Variants in ADAM7 observed in about 807,000 individuals in gnomAD.
ADAM7 encodes the protein disintegrin and metalloproteinase domain-containing protein 7.
Under a neutral mutation model 102.9 loss-of-function variants are expected in ADAM7, and 97 were observed. The ratio of observed to expected loss-of-function variants is 0.94; its 90% CI spans 0.80 to 1.12. ADAM7 has a LOEUF of 1.12. ADAM7 is among the 50% of genes most tolerant of loss of function. ADAM7 has a pLI of 0.00. For synonymous variants in ADAM7, 334 were observed against 304.4 expected, an observed-to-expected ratio of 1.10 and a Z score of -1.01; for missense variants, 991 against 908.7, an observed-to-expected ratio of 1.09 and a Z score of -1.16.
chr8:24,501,013 T>TC, intron 19 of ADAM7, 118 bp downstream of exon 19: 1 of 785,382 alleles, frequency 1.3e-6, no homozygotes, highest in Non-Finnish European at 2.0e-6. Context: ...GAAGATCAGG[T>TC]AAGAATAGTA....
intron 11 of ADAM7, among the ~76,000 whole-genome samples, chr8:24,488,165 A>C (rs1407658964): frequency 6.6e-6 from 1 of 152,152 alleles, no homozygotes; most frequent in Non-Finnish European, 1.5e-5. Context: ...CTGGAATATA[A>C]GCTAGTCCCA....
intron 2 of ADAM7, among the ~76,000 whole-genome samples, chr8:24,443,398 T>C (rs1190612331): frequency 6.6e-6 from 1 of 152,224 alleles, no homozygotes; most frequent in African/African-American, 2.4e-5. Context: ...CTGTTTCCTA[T>C]GGCTTGAGAT....
intron 7 of ADAM7, among the ~76,000 whole-genome samples, chr8:24,475,509 T>C (rs1819738192): frequency 6.6e-6 from 1 of 152,146 alleles, no homozygotes; most frequent in African/African-American, 2.4e-5. Context: ...ATGTATTTGA[T>C]AATTAAGAGA....
chr8:24,508,436 C>T, intron 21 of ADAM7, 110 bp from the exon 22 acceptor site: 2 of 1,119,900 alleles, frequency 1.8e-6, no homozygotes, highest in Non-Finnish European at 2.7e-6. Context: ...TGTAGGACTA[C>T]AGAACACAGA....
At chr8:24,506,222 C>A (rs1820946012) in intron 20 of ADAM7, 2 of 1,279,660 alleles carry the variant, frequency 1.6e-6, no homozygotes, top group South Asian at 2.6e-5. Flanking sequence ...TTTCATGAAA[C>A]TTAATCATTT....
chr8:24,468,706 T>C, intron 6 of ADAM7, 61 bp from the exon 7 acceptor site: 1 of 1,486,712 alleles, frequency 6.7e-7, no homozygotes, highest in Admixed American at 1.7e-5. Context: ...TTTTTCCAAC[T>C]TAAAGGGTTA....
At chr8:24,452,243 A>G (rs1818823961) in intron 3 of ADAM7, among the ~76,000 whole-genome samples, 2 of 150,846 alleles carry the variant, frequency 1.3e-5, no homozygotes, top group Admixed American at 1.3e-4. Flanking sequence ...TAATGTTGAC[A>G]GTGGGGTGTT....
chr8:24,478,420 G>T (rs968719407), intron 8 of ADAM7, among the ~76,000 whole-genome samples: 1 of 152,152 alleles, frequency 6.6e-6, no homozygotes, highest in Non-Finnish European at 1.5e-5. Flanking sequence ...CCCACAGTAA[G>T]TTCACTGTTA....
At chr8:24,447,087 G>A in intron 2 of ADAM7, 99 bp from the exon 3 acceptor site, 1 of 548,292 alleles carries the variant, frequency 1.8e-6, no homozygotes, top group East Asian at 3.1e-5. Flanking sequence ...GGACTGCTGG[G>A]TGGATTGGAG....
At chr8:24,447,308 T>C (rs770723758) in intron 3 of ADAM7, 46 bp downstream of exon 3, 16 of 1,175,416 alleles carry the variant, frequency 1.4e-5, no homozygotes, top group African/African-American at 3.2e-5. Context: ...TTAGTAATTA[T>C]GGTAAGCCAA....
rs114582940 is a variant in ADAM7, at chr8:24,457,581, C to T, written c.234-6301C>T. Among the ~76,000 whole-genome samples the T allele has an allele frequency of 1.2e-3, 187 of 152,264 alleles. 1 individual carries two copies. Among genetic ancestry groups the T allele is most frequent in the African/African-American group, 4.3e-3 (180 of 41,550 alleles). On this transcript the variant is annotated intron_variant, in intron 3 of 21. Coordinates refer to ENST00000175238, the MANE Select transcript of ADAM7 (RefSeq NM_003817.4). ...ATGAGCCACTGTATAATTTGGAGAC[C>T]AGCCCTTAGTCAAATATAGTTCTTG...
At chr8:24,498,840 T>C (rs1313761601) in intron 16 of ADAM7, among the ~76,000 whole-genome samples, 2 of 151,898 alleles carry the variant, frequency 1.3e-5, no homozygotes, top group African/African-American at 4.8e-5. Flanking sequence ...TGACCATCAA[T>C]TGTGGTATAA....
intron 20 of ADAM7, among the ~76,000 whole-genome samples, chr8:24,502,562 T>A (rs892721386): frequency 2.6e-5 from 4 of 151,990 alleles, no homozygotes; most frequent in Admixed American, 6.6e-5. Context: ...GCAACATCAA[T>A]GAAGATACTA....
intron 7 of ADAM7, among the ~76,000 whole-genome samples, chr8:24,471,340 C>T (rs1819595780): frequency 6.6e-6 from 1 of 151,922 alleles, no homozygotes; most frequent in Non-Finnish European, 1.5e-5. Context: ...TTACAAAGTC[C>T]ACCGTAGGGT....
At position 24,485,896 on chromosome 8, in the gene ADAM7, A is replaced by G. The variant is rs1189751562; in HGVS notation, c.960+535A>G. On this transcript the variant is annotated intron_variant, in intron 10 of 21. Transcript: ENST00000175238. Reference sequence around the variant, plus strand: ...AACCCCATCTGAGAGATGCTTGAAAACACGAAGGTTTCTATTTATTTTCTT... The same window carrying G: ...AACCCCATCTGAGAGATGCTTGAAAGCACGAAGGTTTCTATTTATTTTCTT... Among the ~76,000 whole-genome samples, 5 of 152,136 alleles carry G rather than the reference A, an allele frequency of 3.3e-5. No individual in the cohort carries two copies. In the East Asian group the frequency reaches 7.7e-4, roughly 23 times the overall value.
chr8:24,449,005 G>C (rs972614630), intron 3 of ADAM7, among the ~76,000 whole-genome samples: 26 of 152,144 alleles, frequency 1.7e-4, no homozygotes, highest in African/African-American at 6.0e-4. Flanking sequence ...TGGCTGCATA[G>C]TATTCCATGG....
Position 24,500,168 on chromosome 8 carries a change from G to C in ADAM7, c.1924-10G>C. 1 of 1,606,984 alleles carries C rather than the reference G, an allele frequency of 6.2e-7. No homozygotes were observed. The highest frequency in any genetic ancestry group is 1.1e-5 in the South Asian group (1 of 90,208). On this transcript the variant is annotated splice_polypyrimidine_tract_variant and intron_variant, in intron 17 of 21. Transcript: ENST00000175238. ...GTCATTTGAGAATATATCATTGACT[G>C]CTCTTCCAGGTGGATGGCCACGGAC...
chr8:24,497,578 G>A (rs949018509), intron 16 of ADAM7, among the ~76,000 whole-genome samples: 2 of 151,708 alleles, frequency 1.3e-5, no homozygotes, highest in African/African-American at 4.8e-5. Flanking sequence ...AATAAAACCA[G>A]GAAATAGAGT....
intron 3 of ADAM7, among the ~76,000 whole-genome samples, chr8:24,449,155 T>A (rs1444377333): frequency 6.6e-6 from 1 of 152,248 alleles, no homozygotes. Context: ...TATAGTCCTT[T>A]GGGTATATAC....
Sources: gnomAD v4.1 joint callset for allele counts (sites outside exome capture counted in the v4.1 genomes callset) on GRCh38, gnomAD v4.1.1 for gene constraint, MANE v1.5 for transcripts, NCBI Gene and HGNC (gene_info 2026-07-23, HGNC 2026-07-21) for gene names.